METTL24: variants seen among roughly 807,000 people sequenced by gnomAD.
METTL24 encodes methyltransferase like 24, also known as probable methyltransferase-like protein 24.
In METTL24, 29 loss-of-function variants were observed where a neutral mutation model predicts 32.7. That is an observed-to-expected ratio of 0.89 (90% confidence interval 0.66 to 1.21). The LOEUF is 1.21. Among genes scored for constraint, METTL24 ranks in the 50% most tolerant of loss-of-function variants. The pLI is 0.00. For missense variants in METTL24, 439 were observed against 468.1 expected, an observed-to-expected ratio of 0.94 and a Z score of 0.57; for synonymous variants, 163 against 179.5, an observed-to-expected ratio of 0.91 and a Z score of 0.73.
In METTL24 at chr6:110,275,962, C is replaced by T. The variant is rs112292457; in HGVS notation, c.786+22960G>A. On this transcript the variant is annotated intron_variant, in intron 4 of 4. Coordinates refer to ENST00000338882, the MANE Select transcript of METTL24 (RefSeq NM_001123364.3). ...AGTGTCTCTCCTTTCCTCTGCATTT[C>T]TCTCCCACCTCCTGTGCCTTCCCAG... Among the ~76,000 whole-genome samples the T allele has an allele frequency of 5.3e-3, 801 of 152,288 alleles. 11 individuals carry two copies. Among genetic ancestry groups the T allele is most frequent in the African/African-American group, 0.019 (779 of 41,562 alleles).
At chr6:110,337,879 T>C (rs1772270139) in intron 1 of METTL24, among the ~76,000 whole-genome samples, 1 of 152,214 alleles carries the variant, frequency 6.6e-6, no homozygotes. Context: ...TACTTTTACT[T>C]CCCATTTTAT....
chr6:110,314,559 A>G (rs7749049), intron 3 of METTL24, among the ~76,000 whole-genome samples: 2,657 of 152,252 alleles, frequency 0.017, 77 homozygotes, highest in East Asian at 0.12. Context: ...GTTCCCTTTT[A>G]TCCTTTTTAA....
intron 1 of METTL24, among the ~76,000 whole-genome samples, chr6:110,340,021 T>G (rs6904756): frequency 0.74 from 112,008 of 152,048 alleles, 41,770 homozygotes; most frequent in Non-Finnish European, 0.8. Flanking sequence ...CTTTAAAGAC[T>G]GTTTTAGCAT....
chr6:110,293,381 G>T (rs1205215241), intron 4 of METTL24, among the ~76,000 whole-genome samples: 1 of 151,506 alleles, frequency 6.6e-6, no homozygotes, highest in African/African-American at 2.4e-5. Flanking sequence ...TATTCTAACT[G>T]GTTTTTATTC....
At chr6:110,264,279 AAAAC>A (rs1203985575) in intron 4 of METTL24, among the ~76,000 whole-genome samples, 9 of 152,194 alleles carry the variant, frequency 5.9e-5, no homozygotes, top group East Asian at 1.9e-4. Context: ...TTACAAGAAA[AAAAC>A]AAACAACCCC....
intron 3 of METTL24, among the ~76,000 whole-genome samples, chr6:110,309,423 G>A (rs965578363): frequency 6.6e-5 from 10 of 152,146 alleles, no homozygotes; most frequent in African/African-American, 1.2e-4. Context: ...AAACTTACAC[G>A]CAATGCCACA....
chr6:110,271,651 T>C (rs980014608), intron 4 of METTL24, among the ~76,000 whole-genome samples: 6 of 152,286 alleles, frequency 3.9e-5, no homozygotes, highest in East Asian at 1.9e-4. Flanking sequence ...AAAAAATCTA[T>C]ATAATCTACA....
At chr6:110,285,956 G>A (rs1050909888) in intron 4 of METTL24, among the ~76,000 whole-genome samples, 45 of 152,138 alleles carry the variant, frequency 3.0e-4, no homozygotes, top group African/African-American at 1.1e-3. Context: ...TAATAATACC[G>A]GGCCCTTTGA....
rs530882702 is a variant in METTL24, at chr6:110,264,123, G to C, written c.787-17863C>G. On this transcript the variant is annotated intron_variant, in intron 4 of 4. Transcript: ENST00000338882. ...AACAAAAGCCAAAATTGACAAATGG[G>C]ATCTAATTAAACTAAAGAGCTTCTG... Among the ~76,000 whole-genome samples the C allele has an allele frequency of 9.2e-5, 14 of 151,454 alleles. 1 individual carries two copies. In the South Asian group the frequency reaches 2.7e-3, roughly 29 times the overall value.
chr6:110,331,043 G>C (rs1772102285), intron 1 of METTL24, among the ~76,000 whole-genome samples: 1 of 152,152 alleles, frequency 6.6e-6, no homozygotes, highest in African/African-American at 2.4e-5. Context: ...TTGAAACCAA[G>C]GGCAAGATAG....
intron 4 of METTL24, among the ~76,000 whole-genome samples, chr6:110,260,018 A>C (rs1379600213): frequency 6.6e-6 from 1 of 152,162 alleles, no homozygotes; most frequent in African/African-American, 2.4e-5. Flanking sequence ...ATGGGGAAAA[A>C]ACAGAGCAGA....
intron 2 of METTL24, among the ~76,000 whole-genome samples, chr6:110,315,891 G>T (rs1771811241): frequency 6.6e-6 from 1 of 152,192 alleles, no homozygotes; most frequent in Non-Finnish European, 1.5e-5. Context: ...TGCTCACCAT[G>T]CATAGATGTC....
Position 110,245,228 on chromosome 6 carries a change from G to A in METTL24, c.*718C>T, listed in dbSNP as rs1778131007. Among the ~76,000 whole-genome samples the A allele has an allele frequency of 6.6e-6, 1 of 152,186 alleles. No individual in the cohort carries two copies. Among genetic ancestry groups the A allele is most frequent in the South Asian group, 2.1e-4 (1 of 4,826 alleles). On this transcript the variant is annotated 3_prime_UTR_variant, in exon 5 of 5. Coordinates refer to ENST00000338882, the MANE Select transcript of METTL24 (RefSeq NM_001123364.3). ...AGTTGAAGGCCTGAATAGAACCTAA[G>A]GCAGTAAGGAAGAATTAATTCTCTG...
chr6:110,250,373 A>C (rs1416229019), intron 4 of METTL24, among the ~76,000 whole-genome samples: 3 of 151,850 alleles, frequency 2.0e-5, no homozygotes, highest in Non-Finnish European at 1.5e-5. Context: ...CTGTGTGTCC[A>C]AATTTCCTCT....
chr6:110,316,458 C>T (rs553944125), intron 2 of METTL24, among the ~76,000 whole-genome samples: 1 of 152,338 alleles, frequency 6.6e-6, no homozygotes, highest in Admixed American at 6.5e-5. Context: ...TTAGAACTCT[C>T]ATAGTCATCA....
At chr6:110,337,319 G>T (rs1372017107) in intron 1 of METTL24, among the ~76,000 whole-genome samples, 2 of 152,060 alleles carry the variant, frequency 1.3e-5, no homozygotes, top group Admixed American at 6.6e-5. Flanking sequence ...TAACTATTGG[G>T]TACTAGGCTC....
At position 110,302,572 on chromosome 6, in the gene METTL24, C is replaced by T. The variant is rs548201590; in HGVS notation, c.558-3422G>A. On this transcript the variant is annotated intron_variant, in intron 3 of 4. Transcript: ENST00000338882. ...ACATATGTGTATATATACACACATA[C>T]ACACACATATGTGTATATATACACA... is the stretch of plus-strand genomic sequence containing the variant. Among the ~76,000 whole-genome samples, 86 of 109,700 alleles carry T rather than the reference C, an allele frequency of 7.8e-4. 4 individuals carry two copies. Among genetic ancestry groups the T allele is most frequent in the South Asian group, 6.0e-3 (20 of 3,320 alleles). 72.0% of individuals were successfully genotyped at this position (109,700 alleles called of 152,430 possible). A position where few individuals can be genotyped will look rare whatever the true frequency, so the allele number is the denominator to read the frequency against.
At chr6:110,283,612 G>T (rs1344844118) in intron 4 of METTL24, among the ~76,000 whole-genome samples, 2 of 152,168 alleles carry the variant, frequency 1.3e-5, no homozygotes, top group African/African-American at 2.4e-5. Context: ...GGGAACCGAT[G>T]ACAGCTGAGA....
At chr6:110,349,496 G>A (rs1772551411) in intron 1 of METTL24, among the ~76,000 whole-genome samples, 1 of 152,180 alleles carries the variant, frequency 6.6e-6, no homozygotes, top group Non-Finnish European at 1.5e-5. Flanking sequence ...CATGAGTCCG[G>A]AGCATTGTTT....
Sources: gnomAD v4.1 joint callset for allele counts (sites outside exome capture counted in the v4.1 genomes callset) on GRCh38, gnomAD v4.1.1 for gene constraint, MANE v1.5 for transcripts, NCBI Gene and HGNC (gene_info 2026-07-23, HGNC 2026-07-21) for gene names.